The following KCNT2 variants were observed in gnomAD, a reference collection of about 807,000 sequenced individuals.
KCNT2 encodes the protein potassium channel subfamily T member 2.
In KCNT2, 67 loss-of-function variants were observed where a neutral mutation model predicts 153.8. That is an observed-to-expected ratio of 0.44 (90% CI 0.36 to 0.53). The LOEUF (loss-of-function observed/expected upper bound fraction) is 0.53, where lower values mean the gene tolerates loss of function less well. Among genes scored for constraint, KCNT2 ranks in the 20% least tolerant of loss-of-function variants. The pLI is 0.00. For synonymous variants in KCNT2, 500 were observed against 458.8 expected, an observed-to-expected ratio of 1.09 and a Z score of -1.15; for missense variants, 975 against 1,354.8, an observed-to-expected ratio of 0.72 and a Z score of 4.40.
intron 25 of KCNT2, among the ~76,000 whole-genome samples, chr1:196,279,421 AT>A (rs527849972): frequency 0.014 from 2,096 of 151,258 alleles, 42 homozygotes; most frequent in African/African-American, 0.046. Flanking sequence ...CCATTAAAAA[AT>A]TTTTTTTTAT....
chr1:196,365,285 A>G (rs777396756), intron 14 of KCNT2, among the ~76,000 whole-genome samples: 7 of 152,022 alleles, frequency 4.6e-5, no homozygotes, highest in Non-Finnish European at 1.0e-4. Flanking sequence ...AGGCCTCTTC[A>G]ATAATTCTTT....
At chr1:196,569,387 C>T (rs972042305) in intron 1 of KCNT2, among the ~76,000 whole-genome samples, 1 of 151,994 alleles carries the variant, frequency 6.6e-6, no homozygotes, top group Admixed American at 6.6e-5. Context: ...TTAAAAATGA[C>T]CTCATATTCT....
intron 12 of KCNT2, among the ~76,000 whole-genome samples, chr1:196,405,843 A>G (rs1408275256): frequency 1.3e-5 from 2 of 151,604 alleles, no homozygotes; most frequent in Non-Finnish European, 3.0e-5. Context: ...AAAACTTAAA[A>G]TAATACATGT....
chr1:196,246,678 T>C (rs1015445652), intron 26 of KCNT2, among the ~76,000 whole-genome samples: 11 of 152,276 alleles, frequency 7.2e-5, no homozygotes, highest in Middle Eastern at 6.8e-3. Flanking sequence ...TGTTTGTTTG[T>C]TTATGCAATC....
At chr1:196,585,698 T>C (rs570539189) in intron 1 of KCNT2, among the ~76,000 whole-genome samples, 73 of 152,180 alleles carry the variant, frequency 4.8e-4, no homozygotes, top group African/African-American at 1.6e-3. Flanking sequence ...TTTTTTCTTG[T>C]AATCAAAAAA....
At chr1:196,241,914 CA>C (rs1654994953) in intron 26 of KCNT2, among the ~76,000 whole-genome samples, 1 of 151,924 alleles carries the variant, frequency 6.6e-6, no homozygotes, top group African/African-American at 2.4e-5. Context: ...TGTTGAAAAA[CA>C]AAAACCACCT....
At chr1:196,408,676 A>T (rs1010499338) in intron 12 of KCNT2, among the ~76,000 whole-genome samples, 5 of 151,358 alleles carry the variant, frequency 3.3e-5, no homozygotes, top group African/African-American at 9.7e-5. Flanking sequence ...TTATTTCCAA[A>T]TATTTGGGTA....
chr1:196,569,404 T>C (rs560054687), intron 1 of KCNT2, among the ~76,000 whole-genome samples: 2 of 152,314 alleles, frequency 1.3e-5, no homozygotes, highest in East Asian at 3.9e-4. Flanking sequence ...TTCTCAACAT[T>C]TATGTTTCAG....
At chr1:196,281,352 T>C (rs1351259766) in intron 24 of KCNT2, among the ~76,000 whole-genome samples, 1 of 152,154 alleles carries the variant, frequency 6.6e-6, no homozygotes, top group African/African-American at 2.4e-5. Flanking sequence ...GCACTGGTAA[T>C]TGACTGGGAA....
intron 26 of KCNT2, among the ~76,000 whole-genome samples, chr1:196,246,043 T>C (rs1655414183): frequency 6.6e-6 from 1 of 152,100 alleles, no homozygotes; most frequent in African/African-American, 2.4e-5. Context: ...CTTTAAGACA[T>C]TTAATAATCA....
At chr1:196,436,547 C>T (rs1674673837) in intron 8 of KCNT2, among the ~76,000 whole-genome samples, 1 of 151,282 alleles carries the variant, frequency 6.6e-6, no homozygotes, top group African/African-American at 2.4e-5. Context: ...TTAAAACATG[C>T]TACGTAAAGA....
chr1:196,569,883 G>A (rs1372736595), intron 1 of KCNT2, among the ~76,000 whole-genome samples: 1 of 151,958 alleles, frequency 6.6e-6, no homozygotes, highest in Non-Finnish European at 1.5e-5. Context: ...TAAAAATAAA[G>A]GCATGCTTTT....
At chr1:196,581,766 C>T (rs1462610124) in intron 1 of KCNT2, among the ~76,000 whole-genome samples, 1 of 152,084 alleles carries the variant, frequency 6.6e-6, no homozygotes, top group Non-Finnish European at 1.5e-5. Flanking sequence ...TTACTAAAAG[C>T]TGTCATAAAA....
At chr1:196,561,574 G>T (rs1659387591) in intron 1 of KCNT2, among the ~76,000 whole-genome samples, 1 of 144,360 alleles carries the variant, frequency 6.9e-6, no homozygotes, top group Admixed American at 7.2e-5. Context: ...TTTTGCCAAG[G>T]TTAAAGAATG....
chr1:196,518,047 G>A (rs1278617316), intron 1 of KCNT2, among the ~76,000 whole-genome samples: 2 of 152,156 alleles, frequency 1.3e-5, no homozygotes, highest in East Asian at 1.9e-4. Flanking sequence ...GAAACCCCAT[G>A]AGGCTAACAG....
At chr1:196,517,229 C>CAT (rs1443249593) in intron 1 of KCNT2, among the ~76,000 whole-genome samples, 3 of 152,164 alleles carry the variant, frequency 2.0e-5, no homozygotes, top group African/African-American at 2.4e-5. Context: ...GGTCACCTGA[C>CAT]ATATGACTCC....
intron 1 of KCNT2, among the ~76,000 whole-genome samples, chr1:196,587,667 AAT>A (rs1189693754): frequency 1.3e-5 from 2 of 151,994 alleles, no homozygotes; most frequent in African/African-American, 4.8e-5. Flanking sequence ...GTAAGTACTC[AAT>A]AGAAAAAAAA....
At chr1:196,318,894 T>C (rs1176964149) in intron 20 of KCNT2, among the ~76,000 whole-genome samples, 1 of 151,746 alleles carries the variant, frequency 6.6e-6, no homozygotes, top group African/African-American at 2.4e-5. Context: ...ATATATTATT[T>C]CAAGTATATT....
intron 1 of KCNT2, among the ~76,000 whole-genome samples, chr1:196,596,844 G>A (rs186792468): frequency 1.7e-3 from 265 of 152,198 alleles, no homozygotes; most frequent in African/African-American, 6.1e-3. Flanking sequence ...TAGGATTACA[G>A]CACACACCAA....
Sources: allele counts gnomAD v4.1 joint callset (sites outside exome capture counted in the v4.1 genomes callset), GRCh38; gene constraint gnomAD v4.1.1; transcripts MANE v1.5; gene names NCBI Gene and HGNC (gene_info 2026-07-23, HGNC 2026-07-21).